The following HPS5 variants were observed in gnomAD, a reference collection of about 807,000 sequenced individuals.
The protein encoded by HPS5 is BLOC-2 complex member HPS5.
In HPS5, 83 loss-of-function variants were observed where a neutral mutation model predicts 128.0. The observed-to-expected ratio is 0.65, with a 90% confidence interval of 0.54 to 0.78. The LOEUF is 0.78. HPS5 is among the 30% of genes least tolerant of loss of function. The probability of loss-of-function intolerance (pLI) is 0.00; values close to 1 mark genes in which losing one functional copy is unlikely to be tolerated. For synonymous variants in HPS5, 475 were observed against 470.2 expected (o/e 1.01, Z -0.13); for missense variants, 1,281 against 1,326.2 (o/e 0.97, Z 0.53).
At chr11:18,299,913 C>G (rs191380487) in intron 9 of HPS5, among the ~76,000 whole-genome samples, 1 of 152,046 alleles carries the variant, frequency 6.6e-6, no homozygotes, top group Admixed American at 6.6e-5. Flanking sequence ...TATGCAGAAG[C>G]TAGAAAAATG....
Position 18,287,664 on chromosome 11 carries a change from G to A in HPS5, c.2588C>T (p.Ala863Val). The A allele has an allele frequency of 1.1e-5, 18 of 1,614,170 alleles. No individual in the cohort carries two copies. The highest frequency in any genetic ancestry group is 2.2e-5 in the East Asian group (1 of 44,886). ...AAAGAACTTGATTAAGGATCGAAGA[G>A]CAGACTCCCCAAACTTTTCATACAA... ...TRLYEKFGES[A>V]LRSLIKFFPS... The change falls in exon 18 of 23, where the codon GCT (alanine) becomes GTT (valine). Residue 863 changes from alanine to valine, a missense_variant. Physicochemically the swap from Ala to Val is moderately conservative, Grantham distance 64 (BLOSUM62 0). Transcript: ENST00000349215.
intron 9 of HPS5, 56 bp downstream of exon 9, chr11:18,300,772 A>C (rs1488296839): frequency 2.2e-6 from 2 of 899,766 alleles, no homozygotes; most frequent in East Asian, 4.9e-5. Flanking sequence ...ATGCTCCTAC[A>C]ATAATCAAAT....
At chr11:18,315,278 G>A (rs551768652) in intron 2 of HPS5, among the ~76,000 whole-genome samples, 2 of 152,276 alleles carry the variant, frequency 1.3e-5, no homozygotes, top group Non-Finnish European at 2.9e-5. Flanking sequence ...AGCACAGAGT[G>A]GGACTCTCTC....
chr11:18,295,366 T>C (rs1009665488), intron 13 of HPS5, among the ~76,000 whole-genome samples, 197 bp from the exon 14 acceptor site: 37 of 152,216 alleles, frequency 2.4e-4, no homozygotes, highest in Non-Finnish European at 4.8e-4. Context: ...TTCACATTAT[T>C]TACTAAACTG....
chr11:18,288,245 A>G (rs1321812370), intron 16 of HPS5, among the ~76,000 whole-genome samples: 1 of 152,232 alleles, frequency 6.6e-6, no homozygotes, highest in Non-Finnish European at 1.5e-5. Flanking sequence ...AAAAGTTTTA[A>G]ATAAGACGAA....
Position 18,315,784 on chromosome 11 carries a change from T to C in HPS5, c.108+1967A>G, listed in dbSNP as rs548032501. Among the ~76,000 whole-genome samples the C allele has an allele frequency of 2.0e-5, 3 of 152,296 alleles. No individual in the cohort carries two copies. The East Asian group carries it at 5.8e-4, about 29-fold the overall frequency. On this transcript the variant is annotated intron_variant, in intron 2 of 22. Transcript: ENST00000349215. ...GACTTTTCATTTATTCTTCTGAAGG[T>C]AGCTCCAAGAGTTTATCTGGGGGAT...
chr11:18,317,525 G>T (rs959897246), intron 2 of HPS5, among the ~76,000 whole-genome samples: 1 of 152,028 alleles, frequency 6.6e-6, no homozygotes, highest in African/African-American at 2.4e-5. Flanking sequence ...CAAAGTGCTG[G>T]AATTACAGGT....
chr11:18,286,552 A>AG (rs1859754244), intron 19 of HPS5, 39 bp downstream of exon 19: 1 of 1,600,500 alleles, frequency 6.2e-7, no homozygotes. Flanking sequence ...AAAAAAAAAA[A>AG]GTAAAGAAAA....
chr11:18,302,514 T>C (rs73430878), intron 8 of HPS5, among the ~76,000 whole-genome samples: 6 of 152,272 alleles, frequency 3.9e-5, no homozygotes, highest in South Asian at 2.1e-4. Flanking sequence ...CTTCTTATTG[T>C]TGTTAAACTT....
chr11:18,295,068 CAT>C lies in HPS5; in HGVS notation c.1734_1735del (p.Cys579Ter). The C allele has an allele frequency of 6.2e-7, 1 of 1,614,202 alleles. No homozygotes were observed. On this transcript the variant is annotated frameshift_variant, in exon 14 of 23. Transcript: ENST00000349215. LOFTEE classifies it high-confidence loss of function. Reference sequence around the variant, plus strand: ...GGTATCTGAACTCACATCCTCTTCACATGATTGCTCATCACCCCTGAGCTCTG... The same window carrying C: ...GGTATCTGAACTCACATCCTCTTCACGATTGCTCATCACCCCTGAGCTCTG...
intron 20 of HPS5, among the ~76,000 whole-genome samples, chr11:18,284,345 T>G (rs540349615): frequency 6.6e-6 from 1 of 152,226 alleles, no homozygotes; most frequent in African/African-American, 2.4e-5. Context: ...CCTCCTTCAT[T>G]TGCTATATCC....
intron 14 of HPS5, among the ~76,000 whole-genome samples, chr11:18,293,848 T>C (rs1018557820): frequency 6.6e-6 from 1 of 152,238 alleles, no homozygotes; most frequent in African/African-American, 2.4e-5. Flanking sequence ...GTGAAATTTA[T>C]AGCACTTAGA....
At chr11:18,307,884 A>T (rs1349505743) in intron 6 of HPS5, among the ~76,000 whole-genome samples, 1 of 152,200 alleles carries the variant, frequency 6.6e-6, no homozygotes, top group African/African-American at 2.4e-5. Flanking sequence ...GCACGTCTAA[A>T]CATGTTATTT....
chr11:18,306,282 C>T lies in HPS5; in HGVS notation c.677G>A (p.Gly226Glu), dbSNP rs1862360600. 3 of 1,614,116 alleles carry T rather than the reference C, an allele frequency of 1.9e-6. No individual in the cohort carries two copies. The highest frequency in any genetic ancestry group is 2.5e-6 in the Non-Finnish European group (3 of 1,179,990). The change falls in exon 7 of 23, where the codon GGA becomes GAA. Residue 226 changes from glycine (G) to glutamate (E), a missense_variant. Physicochemically the swap from Gly to Glu is moderately conservative, Grantham distance 98. Transcript: ENST00000349215. ...DGEYGACFFPGRCSGGQQPLI... is the reference protein window; with the variant it reads ...DGEYGACFFPERCSGGQQPLI... Reference sequence around the variant, plus strand: ...AGGTTGCTGGCCCCCAGAACATCTTCCAGGAAAGAAACAAGCTCCATATTC... The same window carrying T: ...AGGTTGCTGGCCCCCAGAACATCTTTCAGGAAAGAAACAAGCTCCATATTC...
chr11:18,296,643 GGGGCAGATCTGTAGATCTGGAT>G, intron 12 of HPS5, 133 bp downstream of exon 12: 1 of 795,032 alleles, frequency 1.3e-6, no homozygotes, highest in Non-Finnish European at 2.3e-6. Flanking sequence ...CTTCTAGTAG[GGGGCAGATCTGTAGATCTGGAT>G]GGAAAGTTCT....
intron 20 of HPS5, among the ~76,000 whole-genome samples, chr11:18,284,586 T>C (rs1859440834): frequency 6.6e-6 from 1 of 152,228 alleles, no homozygotes; most frequent in Admixed American, 6.5e-5. Context: ...TCTCTACTGA[T>C]AACTAAATTA....
chr11:18,287,887 A>G lies in HPS5; in HGVS notation c.2561+6T>C, dbSNP rs750403659. 9.9e-6 allele frequency: 16 copies of G among 1,613,918 alleles called. No homozygotes were observed. The Admixed American group carries it at 1.7e-4, about 17-fold the overall frequency. On this transcript the variant is annotated splice_donor_region_variant and intron_variant, in intron 17 of 22. Coordinates refer to ENST00000349215, the MANE Select transcript of HPS5 (RefSeq NM_181507.2). ...GCTCATATAAACAATATACAGGACAACTTACCGGGTAGCATAAACAACCAA... is the reference window on the plus strand; with the variant it reads ...GCTCATATAAACAATATACAGGACAGCTTACCGGGTAGCATAAACAACCAA...
chr11:18,296,298 T>A, intron 12 of HPS5, 176 bp from the exon 13 acceptor site: 1 of 653,084 alleles, frequency 1.5e-6, no homozygotes, highest in Non-Finnish European at 2.6e-6. Flanking sequence ...CATGGGATGG[T>A]CCACATAAAA....
chr11:18,308,854 A>T, intron 6 of HPS5, 92 bp downstream of exon 6: 1 of 1,287,694 alleles, frequency 7.8e-7, no homozygotes, highest in Non-Finnish European at 1.1e-6. Flanking sequence ...AAATCTGTAT[A>T]ACTGATTGAT....
Sources: gnomAD v4.1 joint callset for allele counts (sites outside exome capture counted in the v4.1 genomes callset) on GRCh38, gnomAD v4.1.1 for gene constraint, MANE v1.5 for transcripts, NCBI Gene and HGNC (gene_info 2026-07-23, HGNC 2026-07-21) for gene names.